The following GSDME variants were observed in gnomAD, a reference collection of about 807,000 sequenced individuals.
The protein encoded by GSDME is gasdermin E.
In GSDME, 44 loss-of-function variants were observed where a neutral mutation model predicts 47.5. That is an observed-to-expected ratio of 0.93 (90% CI 0.73 to 1.19). The LOEUF is 1.19. Ranked by LOEUF, GSDME falls within the 50% of genes most tolerant of loss-of-function variation. The probability of loss-of-function intolerance (pLI) is 0.00; values close to 1 mark genes in which losing one functional copy is unlikely to be tolerated. For synonymous variants in GSDME, 258 were observed against 252.8 expected, an observed-to-expected ratio of 1.02 and a Z score of -0.20; for missense variants, 663 against 604.2, an observed-to-expected ratio of 1.10 and a Z score of -1.02.
At chr7:24,707,192 A>G (rs1247650876) in intron 7 of GSDME, 1 of 397,838 alleles carries the variant, frequency 2.5e-6, no homozygotes, top group African/African-American at 2.1e-5. Flanking sequence ...TAATATGAAC[A>G]CTTCCCTGGA....
rs184939078 is a variant in GSDME, at chr7:24,721,168, G to A, written c.405-1950C>T. On this transcript the variant is annotated intron_variant, in intron 3 of 9. Coordinates refer to ENST00000645220, the MANE Select transcript of GSDME (RefSeq NM_001127453.2). The surrounding 1 kb of genome is among the most constrained non-coding windows in gnomAD (Gnocchi z 4.1). ...TCTAGAAATGCAGAGTAGAGATGAC[G>A]GCACAACAGGGTGAATGTATTTAAT... 3.9e-5 allele frequency among the ~76,000 whole-genome samples: 6 copies of A among 152,198 alleles called. 1 individual carries two copies. Among genetic ancestry groups the A allele is most frequent in the African/African-American group, 1.4e-4 (6 of 41,538 alleles).
chr7:24,787,012 G>T, the GSDME span, among the ~76,000 whole-genome samples: 1 of 152,116 alleles, frequency 6.6e-6, no homozygotes, highest in Non-Finnish European at 1.5e-5. This position sits in a 1 kb window ranked among gnomAD's most constrained non-coding sequence, Gnocchi z 5.0. Context: ...GCACTGGAAA[G>T]AGGTGAGGGC....
At chr7:24,758,890 T>A (rs1438785717), upstream of GSDME, among the ~76,000 whole-genome samples, 2 of 152,238 alleles carry the variant, frequency 1.3e-5, no homozygotes, top group Admixed American at 1.3e-4. The surrounding 1 kb of genome is among the most constrained non-coding windows in gnomAD (Gnocchi z 4.6). Flanking sequence ...TTGTTCCCTA[T>A]GCCCAGCACC....
the GSDME span, among the ~76,000 whole-genome samples, chr7:24,792,493 G>C: frequency 1.3e-5 from 2 of 152,216 alleles, no homozygotes; most frequent in South Asian, 4.1e-4. Context: ...GACTTGGCAA[G>C]TCCCCACAAG....
the GSDME span, among the ~76,000 whole-genome samples, chr7:24,791,043 G>A: frequency 4.6e-5 from 7 of 152,074 alleles, no homozygotes; most frequent in Middle Eastern, 3.2e-3. This position sits in a 1 kb window ranked among gnomAD's most constrained non-coding sequence, Gnocchi z 4.8. Context: ...AGGGCTTGTC[G>A]TCTTCTTCAG....
Position 24,754,074 on chromosome 7 carries a change from A to G in GSDME, c.-20+3322T>C, listed in dbSNP as rs1226927498. Among the ~76,000 whole-genome samples, 2 of 152,256 alleles carry G rather than the reference A, an allele frequency of 1.3e-5. No homozygotes were observed. The highest frequency in any genetic ancestry group is 3.8e-4 in the East Asian group (2 of 5,206). ...GGATTAACATTTTCACAATGCTCCA[A>G]TTTGGGAGAAGATGAAAATGGCCTC... On this transcript the variant is annotated intron_variant, in intron 1 of 9. Transcript: ENST00000645220. The surrounding 1 kb of genome is among the most constrained non-coding windows in gnomAD (Gnocchi z 5.0).
intron 2 of GSDME, among the ~76,000 whole-genome samples, chr7:24,748,477 C>T (rs531468476): frequency 8.6e-5 from 13 of 152,022 alleles, no homozygotes; most frequent in African/African-American, 1.2e-4. Context: ...TTTTCAGTTT[C>T]GTTATTAAAA....
At chr7:24,775,520 C>A in the GSDME span, among the ~76,000 whole-genome samples, 1 of 152,236 alleles carries the variant, frequency 6.6e-6, no homozygotes, top group Middle Eastern at 3.4e-3. Context: ...GCTGGGGACG[C>A]CTTGAGGTTG....
In GSDME at chr7:24,731,499, T is replaced by A. The variant is rs553005596; in HGVS notation, c.405-12281A>T. ...CTCAAACAAAACATCATGCTGCACG[T>A]GGAAACGCCAAGGACTTCGCCTCCT... On this transcript the variant is annotated intron_variant, in intron 3 of 9. Coordinates refer to ENST00000645220, the MANE Select transcript of GSDME (RefSeq NM_001127453.2). 3.3e-5 allele frequency among the ~76,000 whole-genome samples: 5 copies of A among 152,370 alleles called. No individual in the cohort carries two copies. In the East Asian group the frequency reaches 9.6e-4, roughly 29 times the overall value.
rs149908946 is a variant in GSDME at position 24,722,269 on chromosome 7, G to C, written c.405-3051C>G. Among the ~76,000 whole-genome samples the C allele has an allele frequency of 2.1e-3, 318 of 152,312 alleles. 2 individuals are homozygous for C. Among genetic ancestry groups the C allele is most frequent in the African/African-American group, 6.9e-3 (287 of 41,548 alleles). ...TGTACATATGTATTTGTGCATCCAC[G>C]TGTGAAAGACAGAAGACACGGAAGA... On this transcript the variant is annotated intron_variant, in intron 3 of 9. Transcript: ENST00000645220.
At chr7:24,701,627 T>C (rs1027349373) in intron 9 of GSDME, among the ~76,000 whole-genome samples, 5 of 152,358 alleles carry the variant, frequency 3.3e-5, no homozygotes, top group East Asian at 3.9e-4. Flanking sequence ...AGCAGAGCTG[T>C]TGTTTTGCTC....
At position 24,706,371 on chromosome 7, in the gene GSDME, A is replaced by G. The variant is rs1246801833; in HGVS notation, c.996T>C (p.Asp332=). 3 of 1,612,558 alleles carry G rather than the reference A, an allele frequency of 1.9e-6. No individual in the cohort carries two copies. The highest frequency in any genetic ancestry group is 1.3e-5 in the African/African-American group (1 of 75,018). The change falls in exon 8 of 10, where the codon GAT becomes GAC. Residue 332 remains aspartate (D), a synonymous_variant. Coordinates refer to ENST00000645220, the MANE Select transcript of GSDME (RefSeq NM_001127453.2). The part of the protein sequence containing the change: ...ELLMVLEPVC[D]DLVSGLSPTV... ...TGGGCGAGAGGCCGCTGACCAGGTC[A>G]TCGCACTGTAGGGCAGGGAAGAAGA...
chr7:24,774,303 TCCTCCCTCCCTTCCTTCTTCCCTC>T, the GSDME span, among the ~76,000 whole-genome samples: 1 of 72,040 alleles, frequency 1.4e-5, no homozygotes, highest in Non-Finnish European at 2.7e-5. Flanking sequence ...CTCCCTCCCT[TCCTCCCTCCCTTCCTTCTTCCCTC>T]CCTCCCTCCC....
In GSDME at chr7:24,714,867, C is replaced by G. The variant is rs1789488348; in HGVS notation, c.697+2387G>C. Among the ~76,000 whole-genome samples the G allele has an allele frequency of 1.3e-5, 2 of 152,202 alleles. No individual in the cohort carries two copies. The highest frequency in any genetic ancestry group is 4.1e-4 in the South Asian group (2 of 4,824). On this transcript the variant is annotated intron_variant, in intron 5 of 9. Transcript: ENST00000645220. The surrounding 1 kb of genome is among the most constrained non-coding windows in gnomAD (Gnocchi z 5.0). The stretch of plus-strand genomic sequence containing the variant: ...CCCCGCCACCGAAGGGTCCGCAGAG[C>G]ACTCCTGGGCATCCTCAGGTGCATG...
intron 5 of GSDME, among the ~76,000 whole-genome samples, chr7:24,711,124 C>G (rs2128050323): frequency 6.6e-6 from 1 of 152,302 alleles, no homozygotes; most frequent in Non-Finnish European, 1.5e-5. Flanking sequence ...ATGAATTGCC[C>G]TAGTCACTGA....
intron 3 of GSDME, among the ~76,000 whole-genome samples, chr7:24,723,961 C>T (rs965108959): frequency 2.0e-5 from 3 of 152,166 alleles, no homozygotes; most frequent in African/African-American, 7.2e-5. Flanking sequence ...CGCCCTGTGC[C>T]ATTTGACAGT....
In GSDME at chr7:24,725,047, G is replaced by A. The variant is rs1789921111; in HGVS notation, c.405-5829C>T. Among the ~76,000 whole-genome samples the A allele has an allele frequency of 6.6e-6, 1 of 152,178 alleles. No individual in the cohort carries two copies. Among genetic ancestry groups the A allele is most frequent in the Non-Finnish European group, 1.5e-5 (1 of 68,038 alleles). On this transcript the variant is annotated intron_variant, in intron 3 of 9. Coordinates refer to ENST00000645220, the MANE Select transcript of GSDME (RefSeq NM_001127453.2). This position sits in a 1 kb window ranked among gnomAD's most constrained non-coding sequence, Gnocchi z 5.1. Reference sequence around the variant, plus strand: ...TCTGGAGGCCTCACCAAGAGCAGATGCTGGCACCATGCTTCCTGTACAGCC... The same window carrying A: ...TCTGGAGGCCTCACCAAGAGCAGATACTGGCACCATGCTTCCTGTACAGCC...
chr7:24,719,248 T>C, intron 3 of GSDME, 30 bp from the exon 4 acceptor site: 2 of 1,602,386 alleles, frequency 1.2e-6, no homozygotes, highest in East Asian at 2.2e-5. Flanking sequence ...GTGAGTGGCT[T>C]AGTGCCTCAG....
chr7:24,781,224 G>A, the GSDME span, among the ~76,000 whole-genome samples: 3 of 152,310 alleles, frequency 2.0e-5, no homozygotes, highest in Admixed American at 2.0e-4. Flanking sequence ...CCAGACAGGC[G>A]TCTAGAAGGT....
Sources: allele counts gnomAD v4.1 joint callset (sites outside exome capture counted in the v4.1 genomes callset), GRCh38; gene constraint gnomAD v4.1.1; non-coding constraint Gnocchi (gnomAD v3.1); transcripts MANE v1.5; gene names NCBI Gene and HGNC (gene_info 2026-07-23, HGNC 2026-07-21).